The following SCN8A variants were observed in gnomAD, a reference collection of about 807,000 sequenced individuals.
SCN8A encodes the protein sodium voltage-gated channel alpha subunit 8.
In SCN8A, 30 loss-of-function variants were observed where a neutral mutation model predicts 184.1. That is an observed-to-expected ratio of 0.16 (90% confidence interval 0.12 to 0.22). SCN8A has a LOEUF of 0.22. Among genes scored for constraint, SCN8A ranks in the 10% least tolerant of loss-of-function variants. SCN8A has a pLI of 1.00. For missense variants in SCN8A, 1,057 were observed against 2,498.9 expected, an observed-to-expected ratio of 0.42 and a Z score of 12.30; for synonymous variants, 852 against 907.0, an observed-to-expected ratio of 0.94 and a Z score of 1.09.
chr12:51,742,474 G>A (rs1193756530), intron 12 of SCN8A, among the ~76,000 whole-genome samples: 1 of 152,040 alleles, frequency 6.6e-6, no homozygotes. Flanking sequence ...TAGTGTTCTA[G>A]GGTAAAAGTT....
At chr12:51,721,971 A>G in intron 12 of SCN8A, 63 bp downstream of exon 12, 1 of 1,598,906 alleles carries the variant, frequency 6.3e-7, no homozygotes, top group Non-Finnish European at 8.5e-7. Flanking sequence ...GATCGAGGCT[A>G]GGCATGGCAG....
chr12:51,612,391 T>C (rs1017516103), intron 1 of SCN8A, among the ~76,000 whole-genome samples: 1 of 152,230 alleles, frequency 6.6e-6, no homozygotes, highest in South Asian at 2.1e-4. Context: ...CTTGAATTCC[T>C]GAGCTCAAGT....
At chr12:51,773,958 C>T (rs117671652) in intron 19 of SCN8A, among the ~76,000 whole-genome samples, 4,547 of 152,264 alleles carry the variant, frequency 0.03, 83 homozygotes, top group Non-Finnish European at 0.046. Flanking sequence ...GGATGCACAA[C>T]TCTGAATATA....
At chr12:51,723,155 T>G (rs1414724447) in intron 12 of SCN8A, 3 of 152,236 alleles carry the variant, frequency 2.0e-5, no homozygotes, top group Non-Finnish European at 2.9e-5. Context: ...TGTATGTGTT[T>G]GGGATTGTCT....
At position 51,751,513 on chromosome 12, in the gene SCN8A, G is replaced by A. The variant is rs1229931495; in HGVS notation, c.2290G>A (p.Val764Ile). The change falls in exon 14 of 27, where the codon GTC (valine) becomes ATC (isoleucine). Residue 764 changes from valine to isoleucine, a missense_variant. By Grantham distance (29) the Val-to-Ile change is conservative. This residue lies in a region of SCN8A where 66 missense variants were observed against 310.6 expected (regional missense o/e 0.21). Transcript: ENST00000627620. ...FVDLAITICI[V>I]LNTLFMAMEH... ...GGATTTAGCCATCACCATCTGCATCGTCCTGAATACACTGTTTATGGCAAT... is the reference window on the plus strand; with the variant it reads ...GGATTTAGCCATCACCATCTGCATCATCCTGAATACACTGTTTATGGCAAT... 5.0e-6 allele frequency: 8 copies of A among 1,613,714 alleles called. No individual in the cohort carries two copies. The highest frequency in any genetic ancestry group is 2.2e-5 in the East Asian group (1 of 44,882).
chr12:51,756,606 A>T (rs1942678585), intron 14 of SCN8A, among the ~76,000 whole-genome samples: 1 of 152,060 alleles, frequency 6.6e-6, no homozygotes, highest in Non-Finnish European at 1.5e-5. Context: ...GCCTCATACC[A>T]CTTCCAACTG....
chr12:51,794,288 C>T (rs930293077), intron 25 of SCN8A, 83 bp from the exon 26 acceptor site: 5 of 1,397,336 alleles, frequency 3.6e-6, no homozygotes, highest in African/African-American at 2.9e-5. Flanking sequence ...GAGGGTACCT[C>T]GATTAGCAGG....
intron 1 of SCN8A, among the ~76,000 whole-genome samples, chr12:51,594,270 C>A (rs1223730970): frequency 6.6e-6 from 1 of 152,100 alleles, no homozygotes; most frequent in Admixed American, 6.6e-5. Context: ...ATTTTAATCT[C>A]ATTGAAAAGG....
intron 2 of SCN8A, among the ~76,000 whole-genome samples, chr12:51,681,795 A>G (rs936859076): frequency 6.6e-6 from 1 of 152,228 alleles, no homozygotes; most frequent in Non-Finnish European, 1.5e-5. Flanking sequence ...AGATTAGGAA[A>G]GGAAAGAATA....
At chr12:51,757,486 CA>C (rs1395278968) in intron 14 of SCN8A, among the ~76,000 whole-genome samples, 1 of 152,158 alleles carries the variant, frequency 6.6e-6, no homozygotes, top group African/African-American at 2.4e-5. Context: ...ATTTTTTCTG[CA>C]AATGCAATGA....
chr12:51,639,816 G>T (rs1319252132), intron 1 of SCN8A, among the ~76,000 whole-genome samples: 3 of 145,740 alleles, frequency 2.1e-5, no homozygotes, highest in African/African-American at 7.6e-5. Context: ...CTAGCTAAAG[G>T]CTCAGGTGAT....
intron 25 of SCN8A, among the ~76,000 whole-genome samples, chr12:51,792,577 A>G (rs1427667616): frequency 6.6e-6 from 1 of 151,782 alleles, no homozygotes; most frequent in Non-Finnish European, 1.5e-5. Flanking sequence ...AGAAGCAGAA[A>G]ACAGTGTGGC....
chr12:51,768,819 A>G (rs780809292), intron 16 of SCN8A, 46 bp from the exon 17 acceptor site: 6 of 1,486,780 alleles, frequency 4.0e-6, no homozygotes, highest in African/African-American at 1.4e-5. Flanking sequence ...AGTTCGATGG[A>G]TAACTTTTCT....
At chr12:51,678,321 A>G (rs968811364) in intron 2 of SCN8A, among the ~76,000 whole-genome samples, 9 of 152,198 alleles carry the variant, frequency 5.9e-5, no homozygotes, top group Admixed American at 1.3e-4. Context: ...TGGTACTATC[A>G]AGCACTGTTG....
At chr12:51,791,657 TCCA>T (rs1938254379) in intron 25 of SCN8A, among the ~76,000 whole-genome samples, 1 of 152,200 alleles carries the variant, frequency 6.6e-6, no homozygotes, top group Non-Finnish European at 1.5e-5. Flanking sequence ...TGTATTTTCT[TCCA>T]CATTAAAATA....
chr12:51,766,102 C>T, intron 16 of SCN8A, 75 bp downstream of exon 16: 2 of 1,151,086 alleles, frequency 1.7e-6, no homozygotes, highest in South Asian at 2.4e-5. Flanking sequence ...CCAAGTCCTT[C>T]TACTGCTTAG....
chr12:51,620,993 AC>A (rs1278668407), intron 1 of SCN8A, among the ~76,000 whole-genome samples: 1 of 152,136 alleles, frequency 6.6e-6, no homozygotes, highest in Admixed American at 6.5e-5. Flanking sequence ...TCTCAAAAAA[AC>A]GTGGGGCCTC....
chr12:51,735,027 G>C (rs1363110642), intron 12 of SCN8A, among the ~76,000 whole-genome samples: 1 of 152,182 alleles, frequency 6.6e-6, no homozygotes, highest in African/African-American at 2.4e-5. Flanking sequence ...GAGTGTCTTT[G>C]TAGATGGTTT....
intron 1 of SCN8A, among the ~76,000 whole-genome samples, chr12:51,592,822 G>A (rs1321792446): frequency 1.3e-5 from 2 of 151,998 alleles, no homozygotes; most frequent in Non-Finnish European, 2.9e-5. Context: ...AGGGCTGGGG[G>A]ATGTTTTAGC....
Sources: gnomAD v4.1 joint callset for allele counts (sites outside exome capture counted in the v4.1 genomes callset) on GRCh38, gnomAD v4.1.1 for gene constraint, gnomAD v4.1.1 regional missense constraint, MANE v1.5 for transcripts, NCBI Gene and HGNC (gene_info 2026-07-23, HGNC 2026-07-21) for gene names.